HIVEP3: variants seen among roughly 807,000 people sequenced by gnomAD.
The protein encoded by HIVEP3 is HIVEP zinc finger 3, also known as transcription factor HIVEP3.
Under a neutral mutation model 152.8 loss-of-function variants are expected in HIVEP3, and 49 were observed. The ratio of observed to expected loss-of-function variants is 0.32; its 90% CI spans 0.26 to 0.41. The LOEUF (loss-of-function observed/expected upper bound fraction) is 0.41. Among genes scored for constraint, HIVEP3 ranks in the 10% least tolerant of loss-of-function variants. The probability of loss-of-function intolerance (pLI) is 1.00; values close to 1 mark genes in which losing one functional copy is unlikely to be tolerated. For missense variants in HIVEP3, 2,790 were observed against 3,103.3 expected (o/e 0.90, Z 2.40); for synonymous variants, 1,269 against 1,289.0 (o/e 0.98, Z 0.33).
At chr1:41,990,768 A>C (rs1348212653) in intron 1 of HIVEP3, among the ~76,000 whole-genome samples, 7 of 143,866 alleles carry the variant, frequency 4.9e-5, no homozygotes, top group Non-Finnish European at 1.1e-4. Flanking sequence ...TCTCCTCAGC[A>C]AATGTAAAAG....
intron 1 of HIVEP3, among the ~76,000 whole-genome samples, chr1:41,925,255 A>G (rs1644962267): frequency 6.6e-6 from 1 of 152,234 alleles, no homozygotes; most frequent in Admixed American, 6.5e-5. Flanking sequence ...CTGACTTTTC[A>G]TGCAGTCAAA....
chr1:41,528,661 C>CACA (rs1643111424), intron 5 of HIVEP3, among the ~76,000 whole-genome samples: 1 of 115,752 alleles, frequency 8.6e-6, no homozygotes, highest in Non-Finnish European at 1.8e-5. Context: ...ACACCCCCAT[C>CACA]CTCACCTTCA....
At chr1:41,938,398 A>G (rs1645029986) in intron 1 of HIVEP3, among the ~76,000 whole-genome samples, 1 of 152,248 alleles carries the variant, frequency 6.6e-6, no homozygotes, top group Non-Finnish European at 1.5e-5. Flanking sequence ...TAAATGCTCA[A>G]TCAACATCTA....
intron 1 of HIVEP3, among the ~76,000 whole-genome samples, chr1:41,972,202 A>T: frequency 6.6e-6 from 1 of 152,292 alleles, no homozygotes; most frequent in East Asian, 1.9e-4. Context: ...TTCAAAACCC[A>T]GCCCAATGAC....
At chr1:41,919,370 G>A (rs1570809864), upstream of HIVEP3, among the ~76,000 whole-genome samples, 1 of 152,312 alleles carries the variant, frequency 6.6e-6, no homozygotes, top group Admixed American at 6.5e-5. Context: ...CCTGAAGGGA[G>A]TGGGGTCTCT....
intron 1 of HIVEP3, among the ~76,000 whole-genome samples, chr1:41,831,601 T>G (rs1642966988): frequency 6.6e-6 from 1 of 152,234 alleles, no homozygotes; most frequent in African/African-American, 2.4e-5. Context: ...CAGTTAAGGA[T>G]ATGTTCAACA....
At chr1:41,623,277 G>A (rs975684735) in intron 3 of HIVEP3, among the ~76,000 whole-genome samples, 2 of 152,162 alleles carry the variant, frequency 1.3e-5, no homozygotes, top group African/African-American at 4.8e-5. Flanking sequence ...TACCTGTCCC[G>A]TTTTGCTCCC....
intron 1 of HIVEP3, among the ~76,000 whole-genome samples, chr1:41,810,688 CT>C (rs1650904027): frequency 6.6e-6 from 1 of 152,198 alleles, no homozygotes; most frequent in African/African-American, 2.4e-5. Flanking sequence ...GGCTGGGCCC[CT>C]AAAAACAGTG....
Position 41,510,431 on chromosome 1 carries a change from C to A in HIVEP3, c.*20G>T. ...GTTGCTGGACACTGGAAGCCAGATG[C>A]TGAAGCAGTTGGAGAGAGGCTAAGC... On this transcript the variant is annotated 3_prime_UTR_variant, in exon 9 of 9. Coordinates refer to ENST00000372583, the MANE Select transcript of HIVEP3 (RefSeq NM_024503.5). 1 of 1,454,288 alleles carries A rather than the reference C, an allele frequency of 6.9e-7. No homozygotes were observed. Among genetic ancestry groups the A allele is most frequent in the Non-Finnish European group, 9.1e-7 (1 of 1,100,996 alleles). 90.1% of individuals were successfully genotyped at this position (1,454,288 alleles called of 1,614,324 possible). A position where few individuals can be genotyped will look rare whatever the true frequency, so the allele number is the denominator to read the frequency against.
rs377765252 is a variant in HIVEP3, at chr1:41,711,054, T to C, written c.-800-10059A>G. Among the ~76,000 whole-genome samples, 20 of 152,348 alleles carry C rather than the reference T, an allele frequency of 1.3e-4. No individual in the cohort carries two copies. In the East Asian group the frequency reaches 3.5e-3, roughly 26 times the overall value. Reference sequence around the variant, plus strand: ...CCTGAGTCAGCCCTTTTCTCTGGACTCTCCGCTCTGCTGCGGGCCTAGACT... The same window carrying C: ...CCTGAGTCAGCCCTTTTCTCTGGACCCTCCGCTCTGCTGCGGGCCTAGACT... On this transcript the variant is annotated intron_variant, in intron 1 of 8. Coordinates refer to ENST00000372583, the MANE Select transcript of HIVEP3 (RefSeq NM_024503.5).
intron 1 of HIVEP3, among the ~76,000 whole-genome samples, chr1:41,805,127 A>C (rs1263219907): frequency 1.3e-5 from 2 of 152,192 alleles, no homozygotes; most frequent in Non-Finnish European, 2.9e-5. Flanking sequence ...GCCTGAGGTC[A>C]GAAGTTCGAG....
chr1:41,866,352 T>C (rs566363753), intron 1 of HIVEP3, among the ~76,000 whole-genome samples: 4 of 152,344 alleles, frequency 2.6e-5, no homozygotes, highest in Admixed American at 2.6e-4. Flanking sequence ...GAGCCAAAGA[T>C]TCTCTTCTCT....
intron 1 of HIVEP3, among the ~76,000 whole-genome samples, chr1:41,924,001 C>T (rs1023697557): frequency 6.6e-6 from 1 of 152,006 alleles, no homozygotes; most frequent in African/African-American, 2.4e-5. Context: ...GATATCTACC[C>T]CCTAATCCCT....
intron 3 of HIVEP3, among the ~76,000 whole-genome samples, chr1:41,588,184 T>G (rs1299463266): frequency 6.6e-6 from 1 of 152,218 alleles, no homozygotes; most frequent in African/African-American, 2.4e-5. Context: ...GGGCTGGGCC[T>G]CCTCAGCCTG....
Position 41,507,429 on chromosome 1 carries a change from T to A in HIVEP3, c.*3022A>T, listed in dbSNP as rs1301283661. ...CTGAGATTGCCAAGGGTGAAAGGCATCGTGGAGCGCAGGCCTGGGGGGCAA... is the reference window on the plus strand; with the variant it reads ...CTGAGATTGCCAAGGGTGAAAGGCAACGTGGAGCGCAGGCCTGGGGGGCAA... On this transcript the variant is annotated 3_prime_UTR_variant, in exon 9 of 9. Coordinates refer to ENST00000372583, the MANE Select transcript of HIVEP3 (RefSeq NM_024503.5). 2 of 152,344 alleles carry A rather than the reference T, an allele frequency of 1.3e-5. No homozygotes were observed. The highest frequency in any genetic ancestry group is 3.9e-4 in the East Asian group (2 of 5,174). The allele number at this position is 152,344 out of a possible 1,614,324, so 9.4% of individuals were successfully genotyped here. A position where few individuals can be genotyped will look rare whatever the true frequency, so the allele number is the denominator to read the frequency against.
At chr1:41,964,631 A>T (rs908207853) in intron 1 of HIVEP3, among the ~76,000 whole-genome samples, 1 of 152,196 alleles carries the variant, frequency 6.6e-6, no homozygotes, top group Non-Finnish European at 1.5e-5. Context: ...ATTCCCCCAC[A>T]GGTGCAGCAC....
At chr1:41,643,250 T>C (rs1354952907) in intron 2 of HIVEP3, among the ~76,000 whole-genome samples, 1 of 152,186 alleles carries the variant, frequency 6.6e-6, no homozygotes, top group Non-Finnish European at 1.5e-5. Flanking sequence ...CCAGATCCCC[T>C]AGGAAGGTGC....
intron 5 of HIVEP3, among the ~76,000 whole-genome samples, chr1:41,549,653 T>C (rs1179381498): frequency 3.3e-5 from 5 of 152,270 alleles, no homozygotes; most frequent in Non-Finnish European, 5.9e-5. Context: ...CATGTGTCTG[T>C]TGGCTGCATA....
intron 1 of HIVEP3, among the ~76,000 whole-genome samples, chr1:41,883,556 G>T (rs1644295497): frequency 6.6e-6 from 1 of 152,208 alleles, no homozygotes; most frequent in African/African-American, 2.4e-5. Flanking sequence ...CAACTCACCT[G>T]CAATGGTACA....
Sources: gnomAD v4.1 joint callset for allele counts (sites outside exome capture counted in the v4.1 genomes callset) on GRCh38, gnomAD v4.1.1 for gene constraint, MANE v1.5 for transcripts, NCBI Gene and HGNC (gene_info 2026-07-23, HGNC 2026-07-21) for gene names.